The following ROBO2 variants were observed in gnomAD, a reference collection of about 807,000 sequenced individuals.
The protein encoded by ROBO2 is roundabout guidance receptor 2, also known as roundabout homolog 2.
Under a neutral mutation model 160.8 loss-of-function variants are expected in ROBO2, and 53 were observed. The observed-to-expected ratio is 0.33, with a 90% CI of 0.26 to 0.41. ROBO2 has a LOEUF of 0.41. Among genes scored for constraint, ROBO2 ranks in the 10% least tolerant of loss-of-function variants. The probability of loss-of-function intolerance (pLI) is 1.00; values close to 1 mark genes in which losing one functional copy is unlikely to be tolerated. For synonymous variants in ROBO2, 664 were observed against 611.7 expected, an observed-to-expected ratio of 1.09 and a Z score of -1.26; for missense variants, 1,577 against 1,722.4, an observed-to-expected ratio of 0.92 and a Z score of 1.49.
At chr3:76,698,204 G>A (rs540277321) in intron 2 of ROBO2, among the ~76,000 whole-genome samples, 1 of 152,336 alleles carries the variant, frequency 6.6e-6, no homozygotes, top group East Asian at 1.9e-4. Flanking sequence ...GAGCACGCCA[G>A]TGAGAATGGA....
At chr3:77,599,612 C>T (rs1473592728) in intron 19 of ROBO2, among the ~76,000 whole-genome samples, 3 of 151,106 alleles carry the variant, frequency 2.0e-5, no homozygotes, top group East Asian at 2.0e-4. Context: ...CTAACCTGCA[C>T]GTTGTGCCCA....
chr3:77,139,867 G>A (rs1473668025), intron 2 of ROBO2, among the ~76,000 whole-genome samples: 1 of 152,020 alleles, frequency 6.6e-6, no homozygotes, highest in African/African-American at 2.4e-5. Context: ...TCCCATCAAG[G>A]CAAATCCTGA....
At chr3:76,070,955 C>T (rs1363220230) in intron 2 of ROBO2, among the ~76,000 whole-genome samples, 1 of 152,082 alleles carries the variant, frequency 6.6e-6, no homozygotes, top group Non-Finnish European at 1.5e-5. Context: ...TCTCATTAGC[C>T]ATCTAGTTTT....
At position 77,024,051 on chromosome 3, in the gene ROBO2, C is replaced by G. The variant is rs527858990; in HGVS notation, c.110-73963C>G. Among the ~76,000 whole-genome samples, 4 of 152,102 alleles carry G rather than the reference C, an allele frequency of 2.6e-5. No individual in the cohort carries two copies. The South Asian group carries it at 8.3e-4, about 32-fold the overall frequency. On this transcript the variant is annotated intron_variant, in intron 2 of 26. Transcript: ENST00000487694. ...CTAATAATTCATATTTTTTGTAGAT[C>G]GTGTATATATGTGACAAACACATGT... is the stretch of plus-strand genomic sequence containing the variant.
At chr3:76,685,963 G>A (rs2092676480) in intron 2 of ROBO2, among the ~76,000 whole-genome samples, 1 of 152,050 alleles carries the variant, frequency 6.6e-6, no homozygotes, top group African/African-American at 2.4e-5. Flanking sequence ...AGAAAACATG[G>A]CCTTGAGAGC....
chr3:77,492,124 A>G (rs2153599677), intron 4 of ROBO2, among the ~76,000 whole-genome samples: 1 of 152,322 alleles, frequency 6.6e-6, no homozygotes, highest in Non-Finnish European at 1.5e-5. Context: ...AAGTGGCTAA[A>G]TATGTCCAGA....
rs75515451 is a variant in ROBO2, at chr3:76,102,239, G to A, written c.109+164637G>A. Among the ~76,000 whole-genome samples the A allele has an allele frequency of 5.4e-3, 819 of 152,294 alleles. 11 individuals are homozygous for A. Among genetic ancestry groups the A allele is most frequent in the African/African-American group, 0.019 (792 of 41,556 alleles). On this transcript the variant is annotated intron_variant, in intron 2 of 26. Transcript: ENST00000487694. The stretch of plus-strand genomic sequence containing the variant: ...ATTTTGAAGACTTGCGTGGAAACAA[G>A]GAATGTAAAACATCTCAGTAATACA...
chr3:77,351,994 G>C (rs1012026858), intron 2 of ROBO2, among the ~76,000 whole-genome samples: 5 of 151,628 alleles, frequency 3.3e-5, no homozygotes, highest in African/African-American at 4.9e-5. Context: ...TATACCTAAT[G>C]CTAAATGACG....
At chr3:75,937,841 T>TATATA (rs1947858350) in intron 2 of ROBO2, among the ~76,000 whole-genome samples, 5 of 105,526 alleles carry the variant, frequency 4.7e-5, no homozygotes, top group African/African-American at 1.7e-4. Flanking sequence ...GGAATTGATT[T>TATATA]TATATATATA....
intron 2 of ROBO2, among the ~76,000 whole-genome samples, chr3:77,200,149 T>C (rs892482919): frequency 2.7e-5 from 4 of 149,952 alleles, no homozygotes; most frequent in African/African-American, 4.9e-5. Flanking sequence ...GAAGATTGCA[T>C]TTGGAAGGTG....
intron 2 of ROBO2, among the ~76,000 whole-genome samples, chr3:76,215,260 T>C (rs1213581841): frequency 6.6e-6 from 1 of 152,086 alleles, no homozygotes; most frequent in Admixed American, 6.5e-5. Flanking sequence ...GCACCTCTCC[T>C]CCTCCAAAGG....
intron 2 of ROBO2, among the ~76,000 whole-genome samples, chr3:77,251,456 T>C (rs779304127): frequency 6.6e-6 from 1 of 152,130 alleles, no homozygotes; most frequent in Non-Finnish European, 1.5e-5. Flanking sequence ...AAAACGTTGC[T>C]CTCAACGCCC....
intron 2 of ROBO2, among the ~76,000 whole-genome samples, chr3:75,990,864 AG>A (rs779776459): frequency 6.6e-6 from 1 of 152,190 alleles, no homozygotes; most frequent in Non-Finnish European, 1.5e-5. Flanking sequence ...ATAAGAGATT[AG>A]TACTTGAATC....
Position 77,022,660 on chromosome 3 carries a change from T to A in ROBO2, c.110-75354T>A, listed in dbSNP as rs562224645. Among the ~76,000 whole-genome samples, 21 of 152,292 alleles carry A rather than the reference T, an allele frequency of 1.4e-4. No homozygotes were observed. The East Asian group carries it at 4.1e-3, about 29-fold the overall frequency. Reference sequence around the variant, plus strand: ...TTTGATTAAACAAATTTTTATAGTTTTCCCTTGTTAACATGTCTTTTTCAT... The same window carrying A: ...TTTGATTAAACAAATTTTTATAGTTATCCCTTGTTAACATGTCTTTTTCAT... On this transcript the variant is annotated intron_variant, in intron 2 of 26. Transcript: ENST00000487694.
chr3:75,940,360 G>T (rs538521399), intron 2 of ROBO2, among the ~76,000 whole-genome samples: 31 of 152,210 alleles, frequency 2.0e-4, no homozygotes, highest in African/African-American at 6.0e-4. Context: ...ATCCCTCTGG[G>T]GCCCTTAGGG....
intron 2 of ROBO2, among the ~76,000 whole-genome samples, chr3:76,898,038 T>C (rs1327969461): frequency 6.6e-6 from 1 of 152,118 alleles, no homozygotes; most frequent in Non-Finnish European, 1.5e-5. Context: ...GCTTGGTCAC[T>C]GAAGGGTCTG....
intron 2 of ROBO2, among the ~76,000 whole-genome samples, chr3:76,418,729 GA>G (rs1426712724): frequency 6.7e-6 from 1 of 148,614 alleles, no homozygotes; most frequent in East Asian, 2.0e-4. Context: ...TAAAAATGAT[GA>G]AAATTTTCAA....
rs1197839637 is a variant in ROBO2 at position 77,293,443 on chromosome 3, A to C, written c.389-183971A>C. On this transcript the variant is annotated intron_variant, in intron 2 of 25. Transcript: ENST00000461745. ...ACGGGTAAGCTGAGGCTAGATCACT[A>C]AAGACATAAAGTAAAATTGACGGTT... Among the ~76,000 whole-genome samples the C allele has an allele frequency of 5.2e-3, 739 of 141,258 alleles. 7 individuals are homozygous for C. Among genetic ancestry groups the C allele is most frequent in the African/African-American group, 0.021 (684 of 32,910 alleles). 92.7% of individuals were successfully genotyped at this position (141,258 alleles called of 152,430 possible).
chr3:77,142,093 C>G (rs1293949285), intron 2 of ROBO2, among the ~76,000 whole-genome samples: 1 of 152,106 alleles, frequency 6.6e-6, no homozygotes, highest in African/African-American at 2.4e-5. Context: ...CTCTGTTTCT[C>G]TCTCTCTCTC....
Sources: gnomAD v4.1 joint callset for allele counts (sites outside exome capture counted in the v4.1 genomes callset) on GRCh38, gnomAD v4.1.1 for gene constraint, MANE v1.5 for transcripts, NCBI Gene and HGNC (gene_info 2026-07-23, HGNC 2026-07-21) for gene names.